The following UBE2G1 variants were observed in gnomAD, a reference collection of about 807,000 sequenced individuals.
UBE2G1 encodes ubiquitin-conjugating enzyme E2 G1.
A neutral mutation model predicts 22.7 loss-of-function variants in UBE2G1; 5 were observed. That is an observed-to-expected ratio of 0.22 (90% CI 0.12 to 0.46). The LOEUF (loss-of-function observed/expected upper bound fraction) is 0.46. Ranked by LOEUF, UBE2G1 falls within the 20% of genes least tolerant of loss-of-function variation. The pLI is 0.99. For missense variants in UBE2G1, 88 were observed against 203.9 expected (o/e 0.43, Z 3.46); for synonymous variants, 74 against 67.5 (o/e 1.10, Z -0.47).
At chr17:4,320,101 T>G (rs927562362) in intron 1 of UBE2G1, among the ~76,000 whole-genome samples, 2 of 152,106 alleles carry the variant, frequency 1.3e-5, no homozygotes, top group African/African-American at 4.8e-5. Flanking sequence ...ATTGTCAGGA[T>G]TTTACATTGT....
intron 1 of UBE2G1, among the ~76,000 whole-genome samples, chr17:4,329,440 C>G (rs1341023370): frequency 1.3e-5 from 2 of 151,696 alleles, no homozygotes; most frequent in Non-Finnish European, 2.9e-5. Context: ...TGTCTGTGGT[C>G]TCAACTACTG....
intron 1 of UBE2G1, among the ~76,000 whole-genome samples, chr17:4,361,412 A>C (rs978690334): frequency 6.6e-6 from 1 of 152,116 alleles, no homozygotes; most frequent in African/African-American, 2.4e-5. Flanking sequence ...CTGTAAGCCC[A>C]GCTACTACAG....
intron 1 of UBE2G1, among the ~76,000 whole-genome samples, chr17:4,324,366 GA>G (rs111795098): frequency 6.6e-6 from 1 of 152,250 alleles, no homozygotes; most frequent in African/African-American, 2.4e-5. Flanking sequence ...GACTTTGTGA[GA>G]AAAAAGTTAT....
intron 1 of UBE2G1, among the ~76,000 whole-genome samples, chr17:4,320,834 T>G (rs1204524547): frequency 6.6e-6 from 1 of 152,096 alleles, no homozygotes; most frequent in Non-Finnish European, 1.5e-5. Flanking sequence ...GTCTGAACAC[T>G]AGATAACTCG....
intron 1 of UBE2G1, chr17:4,331,958 T>A (rs531511618): frequency 5.3e-4 from 81 of 152,214 alleles, no homozygotes; most frequent in African/African-American, 1.8e-3. Flanking sequence ...TATAAATATA[T>A]TATTTAGAAG....
At chr17:4,340,311 T>A (rs185473125) in intron 1 of UBE2G1, among the ~76,000 whole-genome samples, 1 of 152,208 alleles carries the variant, frequency 6.6e-6, no homozygotes, top group African/African-American at 2.4e-5. Context: ...TTAGAGAACA[T>A]AGCTACTGAA....
At chr17:4,343,473 C>T (rs1487245761) in intron 1 of UBE2G1, among the ~76,000 whole-genome samples, 3 of 152,046 alleles carry the variant, frequency 2.0e-5, no homozygotes, top group African/African-American at 7.2e-5. Context: ...CACTGGACTC[C>T]AGCCTGGATG....
intron 1 of UBE2G1, chr17:4,364,072 A>C (rs1387951703): frequency 6.7e-6 from 1 of 149,762 alleles, no homozygotes; most frequent in Admixed American, 6.7e-5. Context: ...AGACCAGCCT[A>C]GCCAGCACGG....
chr17:4,335,966 T>G lies in UBE2G1; in HGVS notation c.47-28843A>C, dbSNP rs555484332. Among the ~76,000 whole-genome samples the G allele has an allele frequency of 2.0e-5, 3 of 152,020 alleles. No individual in the cohort carries two copies. In the East Asian group the frequency reaches 5.8e-4, roughly 29 times the overall value. On this transcript the variant is annotated intron_variant, in intron 1 of 5. Coordinates refer to ENST00000396981, the MANE Select transcript of UBE2G1 (RefSeq NM_003342.5). Reference sequence around the variant, plus strand: ...TTCGAGACCAGCCTGGCCAACATGGTGAAATCCCATCTCTACTAAAAATAC... The same window carrying G: ...TTCGAGACCAGCCTGGCCAACATGGGGAAATCCCATCTCTACTAAAAATAC...
At position 4,323,235 on chromosome 17, in the gene UBE2G1, A is replaced by C. The variant is rs117219300; in HGVS notation, c.47-16112T>G. Reference sequence around the variant, plus strand: ...CAGGCTAACATTGCTTTTATATTTAAAAAATTGAGCGATGTTAAGCTAAAG... The same window carrying C: ...CAGGCTAACATTGCTTTTATATTTACAAAATTGAGCGATGTTAAGCTAAAG... On this transcript the variant is annotated intron_variant, in intron 1 of 5. Coordinates refer to ENST00000396981, the MANE Select transcript of UBE2G1 (RefSeq NM_003342.5). Among the ~76,000 whole-genome samples, 115 of 152,330 alleles carry C rather than the reference A, an allele frequency of 7.5e-4. No individual in the cohort carries two copies. In the East Asian group the frequency reaches 0.016, roughly 22 times the overall value.
In UBE2G1 at chr17:4,269,512, G is replaced by A. The variant is rs1418940739; in HGVS notation, c.*3042C>T. On this transcript the variant is annotated 3_prime_UTR_variant, in exon 6 of 6. Coordinates refer to ENST00000396981, the MANE Select transcript of UBE2G1 (RefSeq NM_003342.5). ...TACACAGGCACCACAGCCCAAAGCG[G>A]GCAGATTCGTCGAGGGTGAGTGGGC... 8 of 186,096 alleles carry A rather than the reference G, an allele frequency of 4.3e-5. No individual in the cohort carries two copies. Among genetic ancestry groups the A allele is most frequent in the Non-Finnish European group, 9.0e-5 (8 of 88,694 alleles). 11.5% of individuals were successfully genotyped at this position (186,096 alleles called of 1,614,324 possible).
intron 1 of UBE2G1, among the ~76,000 whole-genome samples, chr17:4,310,429 A>C (rs938170413): frequency 6.6e-6 from 1 of 152,218 alleles, no homozygotes; most frequent in African/African-American, 2.4e-5. Flanking sequence ...AAAAGAAATA[A>C]AGGATTTGGG....
chr17:4,288,300 C>G (rs1968993783), intron 4 of UBE2G1, among the ~76,000 whole-genome samples: 1 of 151,988 alleles, frequency 6.6e-6, no homozygotes, highest in African/African-American at 2.4e-5. Context: ...GATCTCGGCT[C>G]ACTGCAACCT....
intron 4 of UBE2G1, among the ~76,000 whole-genome samples, chr17:4,286,404 C>CAA (rs11312770): frequency 9.4e-5 from 11 of 117,430 alleles, no homozygotes; most frequent in East Asian, 2.5e-4. Context: ...GACTCTGTCT[C>CAA]AAAAAAAAAA....
intron 1 of UBE2G1, among the ~76,000 whole-genome samples, chr17:4,366,031 C>T (rs1397595943): frequency 6.6e-6 from 1 of 152,058 alleles, no homozygotes; most frequent in African/African-American, 2.4e-5. Flanking sequence ...TCCTCTCCGA[C>T]CCCCCGGGCG....
chr17:4,366,560 ACTGGGACTTCGCTCGCC>A lies in UBE2G1; in HGVS notation c.-261_-245del. 1 of 400,790 alleles carries A rather than the reference ACTGGGACTTCGCTCGCC, an allele frequency of 2.5e-6. No individual in the cohort carries two copies. The highest frequency in any genetic ancestry group is 4.6e-5 in the Admixed American group (1 of 21,548). The allele number at this position is 400,790 out of a possible 1,614,324, so 24.8% of individuals were successfully genotyped here. ...GGGTGCCCGGGCTGCCGCGGCGCGC[ACTGGGACTTCGCTCGCC>A]CGCTTCCCTCCTTCAACCCGCCCGT... On this transcript the variant is annotated 5_prime_UTR_variant, in exon 1 of 6. Transcript: ENST00000396981.
chr17:4,279,808 TA>T (rs1968864564), intron 5 of UBE2G1, among the ~76,000 whole-genome samples: 1 of 14,980 alleles, frequency 6.7e-5, no homozygotes, highest in African/African-American at 8.2e-5. Flanking sequence ...TATATATATA[TA>T]TATATATATA....
chr17:4,317,795 G>A (rs887194687), intron 1 of UBE2G1, among the ~76,000 whole-genome samples: 32 of 152,298 alleles, frequency 2.1e-4, no homozygotes, highest in African/African-American at 7.7e-4. Context: ...TCCTAAGTAC[G>A]TTGTTGCTTG....
At chr17:4,300,920 C>T (rs2143719125) in intron 2 of UBE2G1, among the ~76,000 whole-genome samples, 1 of 147,590 alleles carries the variant, frequency 6.8e-6, no homozygotes, top group East Asian at 2.0e-4. Context: ...GCAACAGAGT[C>T]AGACTCTGTT....
Sources: gnomAD v4.1 joint callset for allele counts (sites outside exome capture counted in the v4.1 genomes callset) on GRCh38, gnomAD v4.1.1 for gene constraint, MANE v1.5 for transcripts, NCBI Gene and HGNC (gene_info 2026-07-23, HGNC 2026-07-21) for gene names.